Variants in COL14A1 observed in about 807,000 individuals in gnomAD.
COL14A1 encodes collagen alpha-1(XIV) chain.
A neutral mutation model predicts 230.3 loss-of-function variants in COL14A1; 136 were observed. That is an observed-to-expected ratio of 0.59 (90% confidence interval 0.51 to 0.68). The LOEUF is 0.68. COL14A1 is among the 30% of genes least tolerant of loss of function. COL14A1 has a pLI of 0.00. For synonymous variants in COL14A1, 792 were observed against 784.1 expected (o/e 1.01, Z -0.17); for missense variants, 1,976 against 2,215.8 (o/e 0.89, Z 2.17).
At chr8:120,236,214 G>T (rs1818438683) in intron 19 of COL14A1, among the ~76,000 whole-genome samples, 1 of 152,128 alleles carries the variant, frequency 6.6e-6, no homozygotes, top group African/African-American at 2.4e-5. Context: ...TGACAGTGGG[G>T]TGTTAAAGTT....
At chr8:120,299,895 C>T (rs1382514674) in intron 35 of COL14A1, among the ~76,000 whole-genome samples, 1 of 152,014 alleles carries the variant, frequency 6.6e-6, no homozygotes, top group Non-Finnish European at 1.5e-5. Flanking sequence ...TTATTTTCCC[C>T]CAAAGTCTTA....
chr8:120,200,237 A>C (rs1043157641), intron 8 of COL14A1, among the ~76,000 whole-genome samples: 1 of 152,076 alleles, frequency 6.6e-6, no homozygotes, highest in African/African-American at 2.4e-5. Flanking sequence ...ACAAACCAAA[A>C]TATAACAGCG....
intron 20 of COL14A1, among the ~76,000 whole-genome samples, 169 bp from the exon 21 acceptor site, chr8:120,247,444 A>G (rs1204828593): frequency 6.7e-6 from 1 of 149,466 alleles, no homozygotes; most frequent in South Asian, 2.1e-4. Context: ...AAAAAAATTG[A>G]AAACAACCAC....
At chr8:120,335,916 A>G (rs1822051640) in intron 42 of COL14A1, among the ~76,000 whole-genome samples, 1 of 152,200 alleles carries the variant, frequency 6.6e-6, no homozygotes, top group South Asian at 2.1e-4. Context: ...TTGAAAGAGT[A>G]TTGCATTAGA....
chr8:120,238,268 G>A (rs1256722397), intron 19 of COL14A1, among the ~76,000 whole-genome samples: 1 of 152,154 alleles, frequency 6.6e-6, no homozygotes, highest in Non-Finnish European at 1.5e-5. Context: ...AGAAACCCCT[G>A]ACTGGGGCTG....
chr8:120,155,484 A>G (rs185697086), intron 2 of COL14A1, among the ~76,000 whole-genome samples: 1 of 152,336 alleles, frequency 6.6e-6, no homozygotes, highest in Admixed American at 6.5e-5. Flanking sequence ...TAGCATGGAT[A>G]GAAAATTTAG....
At chr8:120,199,664 G>A in intron 8 of COL14A1, 98 bp downstream of exon 8, 2 of 1,274,134 alleles carry the variant, frequency 1.6e-6, no homozygotes, top group South Asian at 1.5e-5. Context: ...AAAGCCAGGA[G>A]ACCTGAGCAC....
At chr8:120,361,796 G>T (rs1006191447) in intron 45 of COL14A1, among the ~76,000 whole-genome samples, 8 of 152,320 alleles carry the variant, frequency 5.3e-5, no homozygotes, top group Admixed American at 5.2e-4. Context: ...CCAGGCTGGA[G>T]TGCGTGGTGT....
At position 120,315,369 on chromosome 8, in the gene COL14A1, T is replaced by TA. The variant is rs56356824; in HGVS notation, c.4552-140dup. Among the ~76,000 whole-genome samples, 623 of 111,778 alleles carry TA rather than the reference T, an allele frequency of 5.6e-3. 2 individuals are homozygous for TA. Among genetic ancestry groups the TA allele is most frequent in the East Asian group, 0.02 (80 of 3,938 alleles). The allele number at this position is 111,778 out of a possible 152,430, so 73.3% of individuals were successfully genotyped here. A position where few individuals can be genotyped will look rare whatever the true frequency, so the allele number is the denominator to read the frequency against. ...TGGGCAACAAGAGCAAGACTCCATTTAAAAAAAAAAAAAAAAAAAAAAAAG... is the reference window on the plus strand; with the variant it reads ...TGGGCAACAAGAGCAAGACTCCATTTAAAAAAAAAAAAAAAAAAAAAAAAAG... On this transcript the variant is annotated intron_variant, in intron 38 of 47. Transcript: ENST00000297848.
At chr8:120,323,088 A>T (rs1388223345) in intron 40 of COL14A1, among the ~76,000 whole-genome samples, 3 of 151,882 alleles carry the variant, frequency 2.0e-5, no homozygotes, top group Non-Finnish European at 4.4e-5. Context: ...TTTTGTTTTT[A>T]ACTTTTTAAT....
At chr8:120,224,023 CTTTTTTT>C (rs962510256) in intron 14 of COL14A1, among the ~76,000 whole-genome samples, 6 of 78,252 alleles carry the variant, frequency 7.7e-5, no homozygotes, top group Non-Finnish European at 1.1e-4. Flanking sequence ...CCCTCATCTC[CTTTTTTT>C]TTTTTTTTTT....
chr8:120,193,900 G>T (rs1816930309), intron 5 of COL14A1, among the ~76,000 whole-genome samples: 1 of 152,186 alleles, frequency 6.6e-6, no homozygotes, highest in South Asian at 2.1e-4. Context: ...AAGCCCCTCG[G>T]AAAAGCGCAG....
chr8:120,136,492 T>G (rs1814711375), intron 1 of COL14A1, among the ~76,000 whole-genome samples: 1 of 152,140 alleles, frequency 6.6e-6, no homozygotes, highest in Non-Finnish European at 1.5e-5. Context: ...CTAAATGATT[T>G]AAAAATATTA....
At chr8:120,247,766 C>A (rs376212107) in intron 21 of COL14A1, 31 bp downstream of exon 21, 20 of 1,603,676 alleles carry the variant, frequency 1.2e-5, no homozygotes, top group Admixed American at 1.7e-5. Context: ...AATGTTGATA[C>A]CATGAGTAGT....
At chr8:120,370,706 G>T in intron 47 of COL14A1, 1 of 1,412,376 alleles carries the variant, frequency 7.1e-7, no homozygotes. Context: ...TTACTTAACT[G>T]TGCCTCTTCC....
intron 5 of COL14A1, among the ~76,000 whole-genome samples, chr8:120,185,501 A>G (rs527327314): frequency 6.6e-6 from 1 of 152,150 alleles, no homozygotes; most frequent in South Asian, 2.1e-4. Flanking sequence ...CAAAAATTAA[A>G]AAACAAACAA....
intron 1 of COL14A1, among the ~76,000 whole-genome samples, chr8:120,131,960 C>T (rs1443848169): frequency 6.6e-6 from 1 of 151,134 alleles, no homozygotes; most frequent in Non-Finnish European, 1.5e-5. Context: ...GATTCTCCTG[C>T]CCCAGCCTCT....
chr8:120,370,254 G>T (rs1243974129), intron 47 of COL14A1: 17 of 1,399,794 alleles, frequency 1.2e-5, no homozygotes, highest in Middle Eastern at 3.5e-4. Flanking sequence ...CACAGGAATT[G>T]GTCAACAAAG....
intron 23 of COL14A1, among the ~76,000 whole-genome samples, chr8:120,260,255 CAT>C (rs1368500577): frequency 1.3e-5 from 2 of 151,986 alleles, no homozygotes; most frequent in Non-Finnish European, 2.9e-5. Context: ...TTTAAAATAA[CAT>C]ATATCATGTT....
Sources: gnomAD v4.1 joint callset for allele counts (sites outside exome capture counted in the v4.1 genomes callset) on GRCh38, gnomAD v4.1.1 for gene constraint, MANE v1.5 for transcripts, NCBI Gene and HGNC (gene_info 2026-07-23, HGNC 2026-07-21) for gene names.